BSCL2: variants seen among roughly 807,000 people sequenced by gnomAD.
BSCL2 encodes the protein BSCL2 lipid droplet biogenesis associated, seipin, also known as seipin.
In BSCL2, 41 loss-of-function variants were observed where a neutral mutation model predicts 57.4. The ratio of observed to expected loss-of-function variants is 0.71; its 90% CI spans 0.56 to 0.93. The LOEUF (loss-of-function observed/expected upper bound fraction) is 0.93, where lower values mean the gene tolerates loss of function less well. Among genes scored for constraint, BSCL2 ranks in the 40% least tolerant of loss-of-function variants. The pLI, the probability that BSCL2 is intolerant of heterozygous loss-of-function variation, is 0.00. For synonymous variants in BSCL2, 237 were observed against 227.3 expected, an observed-to-expected ratio of 1.04 and a Z score of -0.38; for missense variants, 539 against 586.7, an observed-to-expected ratio of 0.92 and a Z score of 0.84.
At chr11:62,699,978 G>A (rs569296201) in intron 3 of BSCL2, among the ~76,000 whole-genome samples, 197 of 151,190 alleles carry the variant, frequency 1.3e-3, no homozygotes, top group African/African-American at 3.9e-3. Context: ...CACCACACCC[G>A]GTTATAATCC....
chr11:62,704,078 T>C (rs1055745001), intron 2 of BSCL2, among the ~76,000 whole-genome samples: 1 of 149,486 alleles, frequency 6.7e-6, no homozygotes, highest in African/African-American at 2.5e-5. Context: ...TGAGCTGAGA[T>C]TGCGCCACTG....
intron 3 of BSCL2, among the ~76,000 whole-genome samples, 158 bp from the exon 4 acceptor site, chr11:62,694,869 G>T (rs953287071): frequency 6.6e-6 from 1 of 152,060 alleles, no homozygotes; most frequent in African/African-American, 2.4e-5. Context: ...TCCCAAGAAG[G>T]TGCTGCCCCC....
Position 62,707,251 on chromosome 11 carries a change from A to AG in BSCL2, c.-57_-56insC. On this transcript the variant is annotated 5_prime_UTR_variant, in exon 1 of 11. An upstream open reading frame in the 5' UTR loses its in-frame stop. Transcript: ENST00000360796. ...CTTCCACTGAGTCACTTGTGGCTAAAACGTGAAGTGGCGATCCAGACGCTG... is the reference window on the plus strand; with the variant it reads ...CTTCCACTGAGTCACTTGTGGCTAAAGACGTGAAGTGGCGATCCAGACGCTG... 1 of 1,473,820 alleles carries AG rather than the reference A, an allele frequency of 6.8e-7. No individual in the cohort carries two copies. Among genetic ancestry groups the AG allele is most frequent in the Non-Finnish European group, 9.3e-7 (1 of 1,075,836 alleles). 91.3% of individuals were successfully genotyped at this position (1,473,820 alleles called of 1,614,324 possible).
chr11:62,706,199 CT>C, intron 1 of BSCL2: 1 of 1,058,354 alleles, frequency 9.4e-7, no homozygotes, highest in Middle Eastern at 4.7e-4. Flanking sequence ...CCCGGAGCCC[CT>C]ACCTAATCGT....
At chr11:62,706,820 G>A in intron 1 of BSCL2, 1 of 593,050 alleles carries the variant, frequency 1.7e-6, no homozygotes, top group Admixed American at 2.3e-5. Context: ...GTAGCATTGT[G>A]GACCTCCTCT....
chr11:62,697,827 C>T (rs1158935184), intron 3 of BSCL2, among the ~76,000 whole-genome samples: 1 of 150,384 alleles, frequency 6.6e-6, no homozygotes, highest in Non-Finnish European at 1.5e-5. Flanking sequence ...CTTTGAACAT[C>T]ACCATCTCCA....
At chr11:62,704,369 TAAAAAAAAAAAAA>T (rs71056549) in intron 2 of BSCL2, among the ~76,000 whole-genome samples, 1 of 81,766 alleles carries the variant, frequency 1.2e-5, no homozygotes, top group South Asian at 4.4e-4. Context: ...CCATCTCTAC[TAAAAAAAAAAAAA>T]AAAAAAAAAA....
chr11:62,709,005 A>G, upstream of BSCL2: 1 of 569,678 alleles, frequency 1.8e-6, no homozygotes, highest in East Asian at 3.1e-5. Context: ...GCCGACCCCA[A>G]GCACCCCAGA....
intron 3 of BSCL2, among the ~76,000 whole-genome samples, chr11:62,697,968 C>T (rs1461435475): frequency 2.0e-5 from 3 of 147,318 alleles, no homozygotes; most frequent in South Asian, 2.2e-4. Flanking sequence ...AGTGCAGTGG[C>T]GCAATCTCGG....
chr11:62,705,650 C>G (rs1254075592), intron 1 of BSCL2, 33 bp from the exon 2 acceptor site: 1 of 1,470,628 alleles, frequency 6.8e-7, no homozygotes, highest in South Asian at 1.4e-5. Flanking sequence ...AAGAGTGACT[C>G]CTTTCCCCAG....
At chr11:62,703,279 C>T (rs1945699121) in intron 2 of BSCL2, among the ~76,000 whole-genome samples, 1 of 151,622 alleles carries the variant, frequency 6.6e-6, no homozygotes, top group South Asian at 2.1e-4. Flanking sequence ...AGCTCATGAA[C>T]CCCTCCAATT....
chr11:62,696,711 C>A (rs1945477323), intron 3 of BSCL2, among the ~76,000 whole-genome samples: 1 of 152,062 alleles, frequency 6.6e-6, no homozygotes, highest in Non-Finnish European at 1.5e-5. Flanking sequence ...GCATGTGCCA[C>A]CACACCCAGC....
upstream of BSCL2, chr11:62,707,987 G>A: frequency 2.5e-6 from 1 of 408,134 alleles, no homozygotes; most frequent in Non-Finnish European, 4.6e-6. Flanking sequence ...CTCCTCATCA[G>A]GGTTGGTTGA....
At chr11:62,703,064 C>T (rs1945692497) in intron 2 of BSCL2, among the ~76,000 whole-genome samples, 1 of 151,574 alleles carries the variant, frequency 6.6e-6, no homozygotes, top group Non-Finnish European at 1.5e-5. Flanking sequence ...GCAGAAGAAT[C>T]GCCTGAACCT....
intron 3 of BSCL2, among the ~76,000 whole-genome samples, chr11:62,699,916 T>A (rs1945589818): frequency 6.6e-6 from 1 of 150,964 alleles, no homozygotes; most frequent in South Asian, 2.1e-4. Flanking sequence ...TGACCTCAGG[T>A]GACCCACCTG....
At chr11:62,694,503 C>A in intron 4 of BSCL2, 65 bp downstream of exon 4, 1 of 1,610,854 alleles carries the variant, frequency 6.2e-7, no homozygotes, top group Non-Finnish European at 8.5e-7. Context: ...CCACACCCAG[C>A]CCCCTACCCA....
chr11:62,699,628 C>G (rs1945579859), intron 3 of BSCL2, among the ~76,000 whole-genome samples: 1 of 151,418 alleles, frequency 6.6e-6, no homozygotes, highest in East Asian at 1.9e-4. Context: ...ACTGCCTGAG[C>G]CCAGGAGTTT....
upstream of BSCL2, chr11:62,708,823 T>G (rs372575589): frequency 6.3e-7 from 1 of 1,592,932 alleles, no homozygotes; most frequent in African/African-American, 1.3e-5. Context: ...CTGTCCCTTC[T>G]CACAACTCCT....
At chr11:62,707,497 A>C (rs894294171), upstream of BSCL2, 23 of 641,028 alleles carry the variant, frequency 3.6e-5, no homozygotes, top group African/African-American at 1.4e-4. Flanking sequence ...GCCATTTGAG[A>C]GGGGGAGTCG....
Sources: gnomAD v4.1 joint callset for allele counts (sites outside exome capture counted in the v4.1 genomes callset) on GRCh38, gnomAD v4.1.1 for gene constraint, MANE v1.5 for transcripts, NCBI Gene and HGNC (gene_info 2026-07-23, HGNC 2026-07-21) for gene names.